Variants in WIPI2 observed in about 807,000 individuals in gnomAD.
The protein encoded by WIPI2 is WD repeat domain, phosphoinositide interacting 2, also known as WD repeat domain phosphoinositide-interacting protein 2.
A neutral mutation model predicts 52.3 loss-of-function variants in WIPI2; 28 were observed. The observed-to-expected ratio is 0.54, with a 90% CI of 0.40 to 0.73. The LOEUF (loss-of-function observed/expected upper bound fraction) is 0.73, where lower values mean the gene tolerates loss of function less well. Ranked by LOEUF, WIPI2 falls within the 30% of genes least tolerant of loss-of-function variation. The pLI, the probability that WIPI2 is intolerant of heterozygous loss-of-function variation, is 0.00. For synonymous variants in WIPI2, 268 were observed against 245.0 expected, an observed-to-expected ratio of 1.09 and a Z score of -0.88; for missense variants, 506 against 602.9, an observed-to-expected ratio of 0.84 and a Z score of 1.68.
At chr7:5,225,679 G>GT in intron 8 of WIPI2, 144 bp from the exon 9 acceptor site, 1 of 597,524 alleles carries the variant, frequency 1.7e-6, no homozygotes, top group Non-Finnish European at 3.0e-6. Context: ...CAAGGAAAAT[G>GT]TTTGAGAAGG....
intron 3 of WIPI2, among the ~76,000 whole-genome samples, chr7:5,207,108 G>A (rs975513303): frequency 3.3e-5 from 5 of 152,118 alleles, no homozygotes; most frequent in East Asian, 3.9e-4. Flanking sequence ...CCAGGTAGAC[G>A]GCAGGCATCA....
rs1347691174 is a variant in WIPI2, at chr7:5,230,109, T to C, written c.1252+371T>C. Among the ~76,000 whole-genome samples the C allele has an allele frequency of 6.6e-6, 1 of 152,058 alleles. No homozygotes were observed. The highest frequency in any genetic ancestry group is 1.5e-5 in the Non-Finnish European group (1 of 68,002). ...TTTTTAAAGAAAATGTCATCCTGGC[T>C]CAGGTGACTCTGGGGTCACGTGACT... On this transcript the variant is annotated intron_variant, in intron 12 of 12. Coordinates refer to ENST00000288828, the MANE Select transcript of WIPI2 (RefSeq NM_015610.4). The surrounding 1 kb of genome is among the most constrained non-coding windows in gnomAD (Gnocchi z 4.8).
intron 1 of WIPI2, 147 bp downstream of exon 1, chr7:5,190,640 C>T (rs1433346313): frequency 3.9e-6 from 3 of 779,152 alleles, no homozygotes; most frequent in African/African-American, 1.8e-5. Context: ...GGGGCGGGCC[C>T]GGGGCGTGCA....
At chr7:5,221,378 G>T (rs1436016398) in intron 7 of WIPI2, among the ~76,000 whole-genome samples, 1 of 152,150 alleles carries the variant, frequency 6.6e-6, no homozygotes, top group Non-Finnish European at 1.5e-5. Context: ...CATCAGCCTA[G>T]ATATTCTTAA....
In WIPI2 at chr7:5,227,373, A is replaced by C; in HGVS notation, c.1013+29A>C. 6.2e-7 allele frequency: 1 copy of C among 1,604,336 alleles called. No homozygotes were observed. The highest frequency in any genetic ancestry group is 2.2e-5 in the East Asian group (1 of 44,732). ...AGTAGAGCCGGCGCCTCCGTCCCCC[A>C]CCCCGTGTGCCTCAGGCCGAGGGGC... On this transcript the variant is annotated intron_variant, in intron 10 of 12. Transcript: ENST00000288828. This position sits in a 1 kb window ranked among gnomAD's most constrained non-coding sequence, Gnocchi z 8.1.
At chr7:5,222,945 G>A (rs757789774) in intron 8 of WIPI2, 3 of 402,970 alleles carry the variant, frequency 7.4e-6, no homozygotes, top group Non-Finnish European at 1.4e-5. Context: ...CCAGTGCCCG[G>A]CAGCTCCCAG....
At chr7:5,217,294 T>G (rs750899411) in intron 6 of WIPI2, 107 bp downstream of exon 6, 1 of 1,146,496 alleles carries the variant, frequency 8.7e-7, no homozygotes, top group South Asian at 1.3e-5. Flanking sequence ...ATACAACCGC[T>G]GCACTTTTTT....
intron 3 of WIPI2, among the ~76,000 whole-genome samples, chr7:5,207,075 A>C (rs1328864326): frequency 6.8e-6 from 1 of 147,390 alleles, no homozygotes; most frequent in East Asian, 2.1e-4. Context: ...ACCTGGCTTT[A>C]TTTTGTGTGT....
chr7:5,230,395 A>C lies in WIPI2; in HGVS notation c.1253-440A>C. ...TGTGAGCCACCTTCTTAAAAAAGCCAACTCGCACTCCAGTGGGAGAGCCTG... is the reference window on the plus strand; with the variant it reads ...TGTGAGCCACCTTCTTAAAAAAGCCCACTCGCACTCCAGTGGGAGAGCCTG... On this transcript the variant is annotated intron_variant, in intron 12 of 12. Coordinates refer to ENST00000288828, the MANE Select transcript of WIPI2 (RefSeq NM_015610.4). This position sits in a 1 kb window ranked among gnomAD's most constrained non-coding sequence, Gnocchi z 4.8. Among the ~76,000 whole-genome samples the C allele has an allele frequency of 6.6e-6, 1 of 152,142 alleles. No homozygotes were observed. The highest frequency in any genetic ancestry group is 1.9e-4 in the East Asian group (1 of 5,188).
Position 5,202,697 on chromosome 7 carries a change from C to A in WIPI2, c.211+3039C>A, listed in dbSNP as rs571366802. ...CACTGCATCCAGCCTCTCATATGAT[C>A]AGTGCTGGGATTACAGGCGTGAGCC... On this transcript the variant is annotated intron_variant, in intron 3 of 12. Coordinates refer to ENST00000288828, the MANE Select transcript of WIPI2 (RefSeq NM_015610.4). Among the ~76,000 whole-genome samples the A allele has an allele frequency of 9.2e-5, 14 of 152,208 alleles. No homozygotes were observed. In the South Asian group the frequency reaches 2.7e-3, roughly 29 times the overall value.
At chr7:5,211,088 A>G (rs1782537686) in intron 3 of WIPI2, among the ~76,000 whole-genome samples, 1 of 152,222 alleles carries the variant, frequency 6.6e-6, no homozygotes, top group African/African-American at 2.4e-5. Context: ...GTAGACCAGG[A>G]AAAGGACAGT....
intron 3 of WIPI2, among the ~76,000 whole-genome samples, chr7:5,204,059 G>A (rs1471254942): frequency 6.6e-6 from 1 of 152,200 alleles, no homozygotes; most frequent in East Asian, 1.9e-4. Flanking sequence ...TCACCTAGCA[G>A]CCTGATCCAT....
intron 3 of WIPI2, among the ~76,000 whole-genome samples, chr7:5,202,625 G>T (rs1403029493): frequency 6.6e-6 from 1 of 151,218 alleles, no homozygotes; most frequent in Admixed American, 6.6e-5. Context: ...GCCTCAAGCA[G>T]TCCTCCCACC....
chr7:5,225,812 C>A lies in WIPI2; in HGVS notation c.741-11C>A. 6.3e-7 allele frequency: 1 copy of A among 1,599,228 alleles called. No individual in the cohort carries two copies. The highest frequency in any genetic ancestry group is 1.7e-5 in the Admixed American group (1 of 58,836). On this transcript the variant is annotated splice_polypyrimidine_tract_variant and intron_variant, in intron 8 of 12. Coordinates refer to ENST00000288828, the MANE Select transcript of WIPI2 (RefSeq NM_015610.4). The stretch of plus-strand genomic sequence containing the variant: ...CTCCGGTGGCCCGCCCCAACCTGTG[C>A]GTCTCCCCAGGTGCGTGAGCATCTG...
chr7:5,199,902 C>T (rs1450254470), intron 3 of WIPI2, among the ~76,000 whole-genome samples: 2 of 152,202 alleles, frequency 1.3e-5, no homozygotes, highest in South Asian at 2.1e-4. Flanking sequence ...TGAGGGTCTT[C>T]AGTACATGAG....
intron 9 of WIPI2, 189 bp downstream of exon 9, chr7:5,226,119 A>T (rs1583591534): frequency 1.7e-6 from 1 of 601,786 alleles, no homozygotes; most frequent in East Asian, 2.9e-5. Flanking sequence ...GCCCCAGCAG[A>T]TGAGCTTCTC....
rs893071391 is a variant in WIPI2, at chr7:5,231,248, C to A, written c.*301C>A. 3.6e-6 allele frequency: 1 copy of A among 278,742 alleles called. No individual in the cohort carries two copies. The highest frequency in any genetic ancestry group is 2.2e-5 in the African/African-American group (1 of 45,340). 17.3% of individuals were successfully genotyped at this position (278,742 alleles called of 1,614,324 possible). On this transcript the variant is annotated 3_prime_UTR_variant, in exon 13 of 13. Transcript: ENST00000288828. ...AACCTCCTCGCTTTGCATGCATGAA[C>A]GTGCCAAGCCAGCATAGGGGAGCTA... is the stretch of plus-strand genomic sequence containing the variant.
At chr7:5,192,302 G>A (rs1781523289) in intron 1 of WIPI2, among the ~76,000 whole-genome samples, 1 of 152,184 alleles carries the variant, frequency 6.6e-6, no homozygotes, top group Non-Finnish European at 1.5e-5. Flanking sequence ...AGTATTTTGA[G>A]ACCAGTAAGA....
At chr7:5,216,880 A>T (rs149227199) in intron 5 of WIPI2, 156 of 702,580 alleles carry the variant, frequency 2.2e-4, no homozygotes, top group African/African-American at 2.2e-3. Context: ...GATCAGTTCA[A>T]ACCAAAGGCC....
Sources: allele counts gnomAD v4.1 joint callset (sites outside exome capture counted in the v4.1 genomes callset), GRCh38; gene constraint gnomAD v4.1.1; non-coding constraint Gnocchi (gnomAD v3.1); transcripts MANE v1.5; gene names NCBI Gene and HGNC (gene_info 2026-07-23, HGNC 2026-07-21).